The following EXO1 variants were observed in gnomAD, a reference collection of about 807,000 sequenced individuals.
EXO1 encodes the protein exonuclease 1.
A neutral mutation model predicts 84.5 loss-of-function variants in EXO1; 69 were observed. That is an observed-to-expected ratio of 0.82 (90% confidence interval 0.67 to 1.00). The LOEUF (loss-of-function observed/expected upper bound fraction) is 1.00. Ranked by LOEUF, EXO1 falls within the 50% of genes least tolerant of loss-of-function variation. The pLI, the probability that EXO1 is intolerant of heterozygous loss-of-function variation, is 0.00. For missense variants in EXO1, 1,045 were observed against 1,000.7 expected (o/e 1.04, Z -0.60); for synonymous variants, 373 against 366.1 (o/e 1.02, Z -0.21).
chr1:241,868,985 T>A lies in EXO1; in HGVS notation c.1267+1930T>A, dbSNP rs1179910575. Reference sequence around the variant, plus strand: ...CACGTATTAGTTCTAGTATCTCTTTTGTGGACTATGTAGGATTTTCTATAT... The same window carrying A: ...CACGTATTAGTTCTAGTATCTCTTTAGTGGACTATGTAGGATTTTCTATAT... On this transcript the variant is annotated intron_variant, in intron 11 of 15. Transcript: ENST00000366548. Among the ~76,000 whole-genome samples, 3 of 152,246 alleles carry A rather than the reference T, an allele frequency of 2.0e-5. No individual in the cohort carries two copies. The East Asian group carries it at 5.8e-4, about 29-fold the overall frequency.
At chr1:241,877,740 A>G (rs913746300) in intron 12 of EXO1, among the ~76,000 whole-genome samples, 5 of 152,106 alleles carry the variant, frequency 3.3e-5, no homozygotes, top group Non-Finnish European at 5.9e-5. Flanking sequence ...TAAAGCTGCT[A>G]TACTGAATAA....
At chr1:241,851,752 G>C (rs1660680238) in intron 4 of EXO1, among the ~76,000 whole-genome samples, 1 of 152,058 alleles carries the variant, frequency 6.6e-6, no homozygotes, top group South Asian at 2.1e-4. Flanking sequence ...GGGAAATCAG[G>C]CACCTCTTCC....
At position 241,872,195 on chromosome 1, in the gene EXO1, T is replaced by G; in HGVS notation, c.1431T>G (p.Pro477=). 6.2e-7 allele frequency: 1 copy of G among 1,613,918 alleles called. No homozygotes were observed. Among genetic ancestry groups the G allele is most frequent in the Non-Finnish European group, 8.5e-7 (1 of 1,179,894 alleles). Residue 477 remains proline (P), a synonymous_variant, in exon 12 of 16, where the codon CCT becomes CCG. Transcript: ENST00000366548. ...PTNKKSVSTP[P]RTRNKFATFL... ...ACAAAAAGAGTGTAAGCACTCCACC[T>G]AGGACGAGAAATAAATTTGCAACAT... is the stretch of plus-strand genomic sequence containing the variant.
At chr1:241,886,417 G>C (rs1426572807) in intron 15 of EXO1, among the ~76,000 whole-genome samples, 1 of 152,116 alleles carries the variant, frequency 6.6e-6, no homozygotes, top group African/African-American at 2.4e-5. Flanking sequence ...TAAAAGAAAT[G>C]TGCTGTTTAA....
In EXO1 at chr1:241,885,225, T is replaced by TAAAC; in HGVS notation, c.2212-86_2212-85insCAAA. The TAAAC allele has an allele frequency of 5.6e-6, 4 of 713,194 alleles. 2 individuals are homozygous for TAAAC. In the South Asian group the frequency reaches 9.7e-5, roughly 17 times the overall value. 44.2% of individuals were successfully genotyped at this position (713,194 alleles called of 1,614,324 possible). On this transcript the variant is annotated intron_variant, in intron 14 of 15. Transcript: ENST00000366548. ...CCATCTCAAAAAGTAAATAAATAAA[T>TAAAC]AAATAAATAAGTAAAGAATAAAGAA...
chr1:241,881,392 A>G (rs1379101293), intron 13 of EXO1, among the ~76,000 whole-genome samples: 2 of 152,288 alleles, frequency 1.3e-5, no homozygotes, highest in African/African-American at 2.4e-5. Context: ...CTCTCCATCT[A>G]TAGAGAAGTC....
chr1:241,850,006 G>A (rs1660564435), intron 3 of EXO1, among the ~76,000 whole-genome samples: 1 of 152,250 alleles, frequency 6.6e-6, no homozygotes, highest in Non-Finnish European at 1.5e-5. Context: ...TTCTGGCCGG[G>A]CGCGGTGGCT....
chr1:241,858,020 G>A (rs374093938), intron 7 of EXO1, among the ~76,000 whole-genome samples: 1 of 152,126 alleles, frequency 6.6e-6, no homozygotes, highest in Admixed American at 6.5e-5. Flanking sequence ...GACTAGAAGG[G>A]TCTCTATCAA....
At chr1:241,886,954 T>C (rs1452338779) in intron 15 of EXO1, among the ~76,000 whole-genome samples, 2 of 152,196 alleles carry the variant, frequency 1.3e-5, no homozygotes, top group African/African-American at 2.4e-5. Flanking sequence ...TGTTATGATT[T>C]GGTGTTTTGG....
Position 241,885,465 on chromosome 1 carries a change from A to G in EXO1, c.2363A>G (p.Gln788Arg), listed in dbSNP as rs773659059. ...HHNAENKPGL[Q>R]IKLNELWKNF... ...AATGCCGAGAACAAGCCGGGGTTAC[A>G]GATCAAACTCAATGAGCTCTGGAAA... Residue 788 changes from glutamine to arginine, a missense_variant, in exon 15 of 16, where the codon CAG (glutamine) becomes CGG (arginine). Gln to Arg is a conservative substitution (Grantham distance 43). Coordinates refer to ENST00000366548, the MANE Select transcript of EXO1 (RefSeq NM_130398.4). 6.2e-7 allele frequency: 1 copy of G among 1,613,850 alleles called. No individual in the cohort carries two copies. Among genetic ancestry groups the G allele is most frequent in the Non-Finnish European group, 8.5e-7 (1 of 1,179,834 alleles).
In EXO1 at chr1:241,861,777, T is replaced by C. The variant is rs562376702; in HGVS notation, c.1041+275T>C. On this transcript the variant is annotated intron_variant, in intron 10 of 15. Transcript: ENST00000366548. ...TGAATATACCAAGCATTTGATGCCT[T>C]TTTTTCTCATCTCACTCCGTTCGGC... 9.5e-4 allele frequency among the ~76,000 whole-genome samples: 145 copies of C among 152,322 alleles called. 1 individual carries two copies. Among genetic ancestry groups the C allele is most frequent in the Middle Eastern group, 3.4e-3 (1 of 294 alleles).
In EXO1 at chr1:241,852,353, C is replaced by T. The variant is rs1192854661; in HGVS notation, c.223C>T (p.Leu75Phe). The T allele has an allele frequency of 6.3e-7, 1 of 1,588,696 alleles. No individual in the cohort carries two copies. The highest frequency in any genetic ancestry group is 8.6e-7 in the Non-Finnish European group (1 of 1,157,354). Reference sequence around the variant, plus strand: ...ACTATCTCATGGGATCAAGCCTATTCTCGTATTTGATGGATGTACTTTACC... The same window carrying T: ...ACTATCTCATGGGATCAAGCCTATTTTCGTATTTGATGGATGTACTTTACC... ...MLLSHGIKPI[L>F]VFDGCTLPSK... Residue 75 changes from leucine (L) to phenylalanine (F), a missense_variant, in exon 5 of 16, where the codon CTC becomes TTC. Coordinates refer to ENST00000366548, the MANE Select transcript of EXO1 (RefSeq NM_130398.4).
intron 13 of EXO1, among the ~76,000 whole-genome samples, chr1:241,880,428 CTGAGAAGCCTTA>C (rs1474904762): frequency 6.6e-6 from 1 of 152,122 alleles, no homozygotes; most frequent in Non-Finnish European, 1.5e-5. Flanking sequence ...CCATGTTTTC[CTGAGAAGCCTTA>C]TCAGTTCACA....
chr1:241,849,281 G>C (rs1660522158), intron 3 of EXO1, 65 bp downstream of exon 3: 1 of 152,196 alleles, frequency 6.6e-6, no homozygotes, highest in African/African-American at 2.4e-5. Context: ...CGTTTGATAG[G>C]AGAGATTTGT....
In EXO1 at chr1:241,858,495, T is replaced by A; in HGVS notation, c.544-11T>A. 1 of 1,599,788 alleles carries A rather than the reference T, an allele frequency of 6.3e-7. No homozygotes were observed. The highest frequency in any genetic ancestry group is 8.6e-7 in the Non-Finnish European group (1 of 1,166,898). On this transcript the variant is annotated splice_polypyrimidine_tract_variant and intron_variant, in intron 7 of 15. Coordinates refer to ENST00000366548, the MANE Select transcript of EXO1 (RefSeq NM_130398.4). ...CCTTCTAGGTATTAACAATTTCCCT[T>A]CCTTTTGAAGGTAATTTTAAAGATG...
intron 12 of EXO1, among the ~76,000 whole-genome samples, chr1:241,875,845 T>G (rs1003375312): frequency 6.6e-6 from 1 of 152,206 alleles, no homozygotes; most frequent in Admixed American, 6.5e-5. Context: ...GCCACTGCAC[T>G]CCAGCCTGGG....
chr1:241,861,931 CT>C (rs2148435232), intron 10 of EXO1, among the ~76,000 whole-genome samples: 1 of 108,602 alleles, frequency 9.2e-6, no homozygotes, highest in Non-Finnish European at 1.8e-5. Flanking sequence ...AAACAATTTG[CT>C]GTTTTCTTTT....
intron 15 of EXO1, among the ~76,000 whole-genome samples, 168 bp from the exon 16 acceptor site, chr1:241,889,297 T>C (rs1243424866): frequency 6.6e-6 from 1 of 152,142 alleles, no homozygotes; most frequent in East Asian, 1.9e-4. Context: ...CAGAATGTAT[T>C]GGGAGTGCTC....
At chr1:241,856,217 A>G (rs1661025925) in intron 6 of EXO1, among the ~76,000 whole-genome samples, 1 of 152,088 alleles carries the variant, frequency 6.6e-6, no homozygotes, top group Admixed American at 6.5e-5. Context: ...ACCAAAATTG[A>G]TAGCAGCAGG....
Sources: gnomAD v4.1 joint callset for allele counts (sites outside exome capture counted in the v4.1 genomes callset) on GRCh38, gnomAD v4.1.1 for gene constraint, MANE v1.5 for transcripts, NCBI Gene and HGNC (gene_info 2026-07-23, HGNC 2026-07-21) for gene names.